GMPS: variants seen among roughly 807,000 people sequenced by gnomAD.
GMPS encodes GMP synthase [glutamine-hydrolyzing].
A neutral mutation model predicts 77.9 loss-of-function variants in GMPS; 15 were observed. The ratio of observed to expected loss-of-function variants is 0.19; its 90% confidence interval spans 0.13 to 0.30. The LOEUF is 0.30. Ranked by LOEUF, GMPS falls within the 10% of genes least tolerant of loss-of-function variation. The pLI is 1.00. For synonymous variants in GMPS, 224 were observed against 275.9 expected (o/e 0.81, Z 1.86); for missense variants, 590 against 838.8 (o/e 0.70, Z 3.66).
Position 155,935,022 on chromosome 3 carries a change from G to A in GMPS, c.1783G>A (p.Ala595Thr). Residue 595 changes from alanine (A) to threonine (T), a missense_variant, in exon 14 of 16, where the codon GCC (alanine) becomes ACC (threonine). By Grantham distance (58) the Ala-to-Thr change is moderately conservative. Coordinates refer to ENST00000496455, the MANE Select transcript of GMPS (RefSeq NM_003875.3). ...TACTTTACGCCAAGCTGATTTTGAG[G>A]CCCATAACATTCTCAGGGAGTCTGG... The part of the protein sequence containing the change: ...LSTLRQADFE[A>T]HNILRESGYA... 6.2e-7 allele frequency: 1 copy of A among 1,609,122 alleles called. No individual in the cohort carries two copies. Among genetic ancestry groups the A allele is most frequent in the Non-Finnish European group, 8.5e-7 (1 of 1,175,560 alleles).
rs1232403456 is a variant in GMPS, at chr3:155,922,171, TTACTCC to T, written c.1319-12_1319-7del. ...ATAACATTAATGTTAAATACTATTA[TTACTCC>T]TACCTTTAGGTCCTGGCCTGGCAAT... is the stretch of plus-strand genomic sequence containing the variant. On this transcript the variant is annotated splice_polypyrimidine_tract_variant and intron_variant, in intron 10 of 15. Coordinates refer to ENST00000496455, the MANE Select transcript of GMPS (RefSeq NM_003875.3). The T allele has an allele frequency of 2.0e-6, 2 of 1,008,886 alleles. No individual in the cohort carries two copies. Among genetic ancestry groups the T allele is most frequent in the Non-Finnish European group, 2.9e-6 (2 of 685,176 alleles). The allele number at this position is 1,008,886 out of a possible 1,614,324, so 62.5% of individuals were successfully genotyped here.
chr3:155,918,917 G>A (rs1755252262), intron 9 of GMPS, among the ~76,000 whole-genome samples: 1 of 151,996 alleles, frequency 6.6e-6, no homozygotes, highest in Admixed American at 6.6e-5. Flanking sequence ...TATAATTTTG[G>A]AACACTAGTA....
chr3:155,937,444 A>G (rs945084996), intron 15 of GMPS, 147 bp from the exon 16 acceptor site: 1 of 600,842 alleles, frequency 1.7e-6, no homozygotes, highest in African/African-American at 1.9e-5. Context: ...TAGGTTCATT[A>G]TATAAGATTA....
intron 1 of GMPS, among the ~76,000 whole-genome samples, chr3:155,876,526 G>A (rs769022568): frequency 6.6e-6 from 1 of 152,178 alleles, no homozygotes; most frequent in African/African-American, 2.4e-5. Context: ...TAACAAACCC[G>A]TCCTATTTTA....
chr3:155,878,744 A>T (rs1296215644), intron 1 of GMPS, among the ~76,000 whole-genome samples: 1 of 152,208 alleles, frequency 6.6e-6, no homozygotes, highest in Admixed American at 6.5e-5. Flanking sequence ...TGACGCGATT[A>T]TGGAGGCTGA....
At chr3:155,898,784 T>C (rs1286685429) in intron 3 of GMPS, among the ~76,000 whole-genome samples, 1 of 152,252 alleles carries the variant, frequency 6.6e-6, no homozygotes, top group East Asian at 1.9e-4. Context: ...GAATTGGTGC[T>C]GTGCTTCTCA....
chr3:155,911,184 A>T lies in GMPS; in HGVS notation c.791A>T (p.Gln264Leu), dbSNP rs1253328074. Reference protein sequence around the residue: ...ALLNRALNQEQVIAVHIDNGF... With the variant: ...ALLNRALNQELVIAVHIDNGF... Reference sequence around the variant, plus strand: ...CTAAATCGTGCTTTGAACCAAGAACAAGTCATTGCTGTGCACATTGATAAT... The same window carrying T: ...CTAAATCGTGCTTTGAACCAAGAACTAGTCATTGCTGTGCACATTGATAAT... Residue 264 changes from glutamine (Q) to leucine (L), a missense_variant, in exon 7 of 16, where the codon CAA becomes CTA. Around this residue, in one of 6 missense-constraint regions of GMPS, gnomAD observed 181 missense variants for 186.8 expected, o/e 0.97. Transcript: ENST00000496455. 1 of 1,612,874 alleles carries T rather than the reference A, an allele frequency of 6.2e-7. No homozygotes were observed. The highest frequency in any genetic ancestry group is 8.5e-7 in the Non-Finnish European group (1 of 1,178,908).
intron 7 of GMPS, among the ~76,000 whole-genome samples, chr3:155,912,642 T>A (rs903243619): frequency 6.6e-6 from 1 of 152,212 alleles, no homozygotes; most frequent in Non-Finnish European, 1.5e-5. Context: ...TTGTTAGCCA[T>A]CCCAGTATAA....
intron 1 of GMPS, among the ~76,000 whole-genome samples, chr3:155,883,432 A>C (rs1448953105): frequency 1.3e-5 from 2 of 152,194 alleles, no homozygotes; most frequent in Non-Finnish European, 2.9e-5. Flanking sequence ...AGGAATAGTG[A>C]TCACGTGATA....
intron 14 of GMPS, among the ~76,000 whole-genome samples, chr3:155,935,732 A>C (rs1234295087): frequency 6.6e-6 from 1 of 152,140 alleles, no homozygotes; most frequent in African/African-American, 2.4e-5. Flanking sequence ...TTTGCTGTTT[A>C]AAATGGATCT....
At position 155,910,799 on chromosome 3, in the gene GMPS, G is replaced by A; in HGVS notation, c.634G>A (p.Gly212Arg). The A allele has an allele frequency of 6.2e-7, 1 of 1,611,572 alleles. No individual in the cohort carries two copies. Among genetic ancestry groups the A allele is most frequent in the Non-Finnish European group, 8.5e-7 (1 of 1,178,070 alleles). The change falls in exon 6 of 16, where the codon GGA becomes AGA. Residue 212 changes from glycine (G) to arginine (R), a missense_variant. Around this residue, in one of 6 missense-constraint regions of GMPS, gnomAD observed 136 missense variants for 225.6 expected, o/e 0.60. Transcript: ENST00000496455. ...ILKNFLYDIA[G>R]CSGTFTVQNR... The stretch of plus-strand genomic sequence containing the variant: ...GAAGAATTTCCTTTATGATATAGCT[G>A]GATGCAGTGGAACCTTCACCGTGCA...
intron 3 of GMPS, among the ~76,000 whole-genome samples, chr3:155,898,440 T>A (rs1010624926): frequency 6.6e-6 from 1 of 152,258 alleles, no homozygotes; most frequent in African/African-American, 2.4e-5. Flanking sequence ...ACACTCTTAC[T>A]GCATAACCAC....
At chr3:155,928,643 G>A (rs963788741) in intron 12 of GMPS, among the ~76,000 whole-genome samples, 4 of 148,466 alleles carry the variant, frequency 2.7e-5, no homozygotes, top group East Asian at 2.0e-4. Context: ...CCACTAACTC[G>A]TCATTTAGCA....
At chr3:155,888,427 A>G (rs1754389017) in intron 1 of GMPS, among the ~76,000 whole-genome samples, 1 of 151,086 alleles carries the variant, frequency 6.6e-6, no homozygotes, top group Non-Finnish European at 1.5e-5. Context: ...TATTCCCTCT[A>G]TTTTTTATTT....
intron 3 of GMPS, among the ~76,000 whole-genome samples, chr3:155,899,704 C>A (rs1199000446): frequency 6.6e-6 from 1 of 152,110 alleles, no homozygotes; most frequent in Non-Finnish European, 1.5e-5. Flanking sequence ...ATATATCTAC[C>A]ATTGTAGTAT....
At chr3:155,914,349 A>G in intron 7 of GMPS, 70 bp from the exon 8 acceptor site, 1 of 1,157,956 alleles carries the variant, frequency 8.6e-7, no homozygotes, top group South Asian at 2.0e-5. Flanking sequence ...TTCTTTCTGT[A>G]TTTTGACTTG....
chr3:155,878,905 G>C (rs375475983), intron 1 of GMPS, among the ~76,000 whole-genome samples: 32 of 152,182 alleles, frequency 2.1e-4, no homozygotes, highest in African/African-American at 7.0e-4. Context: ...GAGAGGGATG[G>C]GGGGAGGGTG....
chr3:155,924,896 A>G (rs373088017), intron 11 of GMPS, among the ~76,000 whole-genome samples: 15 of 152,312 alleles, frequency 9.8e-5, no homozygotes, highest in Admixed American at 2.0e-4. Context: ...GTAAATAAAA[A>G]AAAAGAAATG....
Position 155,939,237 on chromosome 3 carries a change from A to G in GMPS, c.*1545A>G, listed in dbSNP as rs1755833231. On this transcript the variant is annotated 3_prime_UTR_variant, in exon 16 of 16. Transcript: ENST00000496455. Reference sequence around the variant, plus strand: ...AGGTACTCATTATGGCCTTCTGGAAAGAGGCTATGTTAGTGATCTGGTCTT... The same window carrying G: ...AGGTACTCATTATGGCCTTCTGGAAGGAGGCTATGTTAGTGATCTGGTCTT... 4.6e-6 allele frequency: 1 copy of G among 219,602 alleles called. No individual in the cohort carries two copies. Among genetic ancestry groups the G allele is most frequent in the South Asian group, 1.8e-4 (1 of 5,430 alleles). The allele number at this position is 219,602 out of a possible 1,614,324, so 13.6% of individuals were successfully genotyped here.
Sources: allele counts gnomAD v4.1 joint callset (sites outside exome capture counted in the v4.1 genomes callset), GRCh38; gene constraint gnomAD v4.1.1; regional missense constraint gnomAD v4.1.1; transcripts MANE v1.5; gene names NCBI Gene and HGNC (gene_info 2026-07-23, HGNC 2026-07-21).